NIBAN1: variants seen among roughly 807,000 people sequenced by gnomAD.
NIBAN1 encodes the protein niban apoptosis regulator 1.
NIBAN1 carries 81 observed loss-of-function variants against 75.1 expected under a neutral mutation model. That is an observed-to-expected ratio of 1.08 (90% CI 0.90 to 1.30). The LOEUF (loss-of-function observed/expected upper bound fraction) is 1.30. Ranked by LOEUF, NIBAN1 falls within the 50% of genes most tolerant of loss-of-function variation. The pLI is 0.00. For missense variants in NIBAN1, 1,133 were observed against 1,128.1 expected, an observed-to-expected ratio of 1.00 and a Z score of -0.06; for synonymous variants, 436 against 424.8, an observed-to-expected ratio of 1.03 and a Z score of -0.32.
chr1:184,834,821 G>A (rs914492486), intron 5 of NIBAN1, among the ~76,000 whole-genome samples: 1 of 152,052 alleles, frequency 6.6e-6, no homozygotes, highest in African/African-American at 2.4e-5. Context: ...TCACTCTGAT[G>A]GTAGTTTCTT....
Position 184,933,352 on chromosome 1 carries a change from G to A in NIBAN1, c.56-34043C>T, listed in dbSNP as rs575281254. 2.0e-3 allele frequency among the ~76,000 whole-genome samples: 304 copies of A among 152,360 alleles called. 2 individuals carry two copies. The highest frequency in any genetic ancestry group is 6.8e-3 in the African/African-American group (281 of 41,592). ...ATTCAGAAGGTCCCTGCCCTGAGGA[G>A]CCACCAGTCTGACCTATCTTAATTG... On this transcript the variant is annotated intron_variant, in intron 1 of 13. Transcript: ENST00000367511.
In NIBAN1 at chr1:184,820,078, A is replaced by T. The variant is rs868706335; in HGVS notation, c.986-1253T>A. On this transcript the variant is annotated intron_variant, in intron 8 of 13. Coordinates refer to ENST00000367511, the MANE Select transcript of NIBAN1 (RefSeq NM_052966.4). ...ACAAGTCATAGAATTATTAAGAAAA[A>T]ACCCTTTCAATTGTATGATCCAAAT... is the stretch of plus-strand genomic sequence containing the variant. Among the ~76,000 whole-genome samples, 11 of 152,336 alleles carry T rather than the reference A, an allele frequency of 7.2e-5. No homozygotes were observed. The Middle Eastern group carries it at 0.01, about 141-fold the overall frequency.
chr1:184,791,803 A>G lies in NIBAN1; in HGVS notation c.*3174T>C, dbSNP rs577041862. Reference sequence around the variant, plus strand: ...TCGCTCCAATCTGGAAACCACTCAAATGACACATACAAGTCTGTATGAAAA... The same window carrying G: ...TCGCTCCAATCTGGAAACCACTCAAGTGACACATACAAGTCTGTATGAAAA... On this transcript the variant is annotated 3_prime_UTR_variant, in exon 14 of 14. Transcript: ENST00000367511. 6.6e-6 allele frequency: 1 copy of G among 152,348 alleles called. No individual in the cohort carries two copies. The highest frequency in any genetic ancestry group is 2.1e-4 in the South Asian group (1 of 4,830). The allele number at this position is 152,348 out of a possible 1,614,324, so 9.4% of individuals were successfully genotyped here.
At chr1:184,932,702 T>G (rs1395267999) in intron 1 of NIBAN1, among the ~76,000 whole-genome samples, 4 of 152,220 alleles carry the variant, frequency 2.6e-5, no homozygotes, top group African/African-American at 9.7e-5. Context: ...TTTGTATATT[T>G]GACTTATTTG....
chr1:184,903,961 A>G (rs1290948150), intron 1 of NIBAN1, among the ~76,000 whole-genome samples: 1 of 151,310 alleles, frequency 6.6e-6, no homozygotes, highest in Non-Finnish European at 1.5e-5. Flanking sequence ...CAGTGGTGCC[A>G]TCTTGGCTCA....
intron 5 of NIBAN1, among the ~76,000 whole-genome samples, chr1:184,862,377 C>T (rs934704461): frequency 3.3e-5 from 5 of 151,874 alleles, no homozygotes; most frequent in South Asian, 2.1e-4. Flanking sequence ...TATTCACAGG[C>T]GCAATCATTG....
rs572876722 is a variant in NIBAN1, at chr1:184,852,960, A to G, written c.602-20998T>C. 8.5e-5 allele frequency among the ~76,000 whole-genome samples: 13 copies of G among 152,272 alleles called. No homozygotes were observed. In the East Asian group the frequency reaches 1.9e-3, roughly 23 times the overall value. On this transcript the variant is annotated intron_variant, in intron 5 of 13. Transcript: ENST00000367511. ...CTTCTACTCCCCTAAATAACAGTCCATTTCATGGTTATTTCCATTGGACTT... is the reference window on the plus strand; with the variant it reads ...CTTCTACTCCCCTAAATAACAGTCCGTTTCATGGTTATTTCCATTGGACTT...
chr1:184,795,163 C>T lies in NIBAN1; in HGVS notation c.2601G>A (p.Gly867=). The stretch of plus-strand genomic sequence containing the variant: ...CCGTGGCCTGGGCCGCGCTGCTTTG[C>T]CCTCCCATCTCTTCTTGTTCCTCAG... ...QVSEEQEEMG[G]QSSAAQATAS... is the part of the protein sequence containing the mutation. Residue 867 remains glycine (G), a synonymous_variant, in exon 14 of 14, where the codon GGG becomes GGA. Coordinates refer to ENST00000367511, the MANE Select transcript of NIBAN1 (RefSeq NM_052966.4). 2 of 1,614,196 alleles carry T rather than the reference C, an allele frequency of 1.2e-6. No individual in the cohort carries two copies. The highest frequency in any genetic ancestry group is 2.2e-5 in the South Asian group (2 of 91,092).
chr1:184,818,901 T>A, intron 8 of NIBAN1, 76 bp from the exon 9 acceptor site: 1 of 1,481,674 alleles, frequency 6.7e-7, no homozygotes, highest in Non-Finnish European at 9.1e-7. Context: ...AGACCAGAGC[T>A]GAATGGTGCC....
intron 5 of NIBAN1, among the ~76,000 whole-genome samples, chr1:184,851,636 A>T (rs1310187569): frequency 1.7e-4 from 1 of 5,860 alleles, no homozygotes; most frequent in Non-Finnish European, 4.4e-4. Context: ...AATAAAAAAA[A>T]AAAAAATTAA....
rs1228530025 is a variant in NIBAN1 at position 184,798,127 on chromosome 1, C to T, written c.1618G>A (p.Val540Ile). 2 of 1,612,202 alleles carry T rather than the reference C, an allele frequency of 1.2e-6. No individual in the cohort carries two copies. Among genetic ancestry groups the T allele is most frequent in the East Asian group, 4.5e-5 (2 of 44,844 alleles). ...ATCTGATGTAAAATCTCCTCATAGA[C>T]ATTTTCAACGTGAATCATATTGGTA... ...DHTNMIHVEN[V>I]YEEILHQILL... is the part of the protein sequence containing the mutation. The change falls in exon 13 of 14, where the codon GTC (valine) becomes ATC (isoleucine). Residue 540 changes from valine to isoleucine, a missense_variant. Transcript: ENST00000367511.
rs1658816020 is a variant in NIBAN1, at chr1:184,967,228, T to C, written c.55+7074A>G. Among the ~76,000 whole-genome samples, 3 of 152,172 alleles carry C rather than the reference T, an allele frequency of 2.0e-5. No homozygotes were observed. The South Asian group carries it at 6.2e-4, about 32-fold the overall frequency. On this transcript the variant is annotated intron_variant, in intron 1 of 13. Transcript: ENST00000367511. ...CCCTCTCTCTCTCTCTCTGTGTGTG[T>C]GTGTGTGTGTGTGTGTACATATGTG... is the stretch of plus-strand genomic sequence containing the variant.
intron 5 of NIBAN1, among the ~76,000 whole-genome samples, chr1:184,842,777 A>C (rs1326959917): frequency 3.3e-5 from 5 of 152,078 alleles, no homozygotes; most frequent in Admixed American, 1.3e-4. Flanking sequence ...AAAAAAAAAA[A>C]AAAAATCCAT....
chr1:184,814,580 G>A (rs542662570), intron 9 of NIBAN1, among the ~76,000 whole-genome samples: 1 of 152,226 alleles, frequency 6.6e-6, no homozygotes, highest in African/African-American at 2.4e-5. Context: ...TCAGAGTCAT[G>A]TTTCATCCTT....
intron 1 of NIBAN1, 81 bp downstream of exon 1, chr1:184,974,221 G>C: frequency 7.4e-7 from 1 of 1,353,678 alleles, no homozygotes; most frequent in Non-Finnish European, 9.5e-7. Context: ...CCCGGGGCGC[G>C]CCCCTTGGGG....
chr1:184,879,715 A>G (rs1431363751), intron 5 of NIBAN1, among the ~76,000 whole-genome samples: 1 of 152,220 alleles, frequency 6.6e-6, no homozygotes, highest in African/African-American at 2.4e-5. Flanking sequence ...TGCAAGTATC[A>G]AAATCAAATC....
intron 1 of NIBAN1, among the ~76,000 whole-genome samples, chr1:184,933,950 G>C (rs961137627): frequency 6.6e-6 from 1 of 152,218 alleles, no homozygotes; most frequent in African/African-American, 2.4e-5. Context: ...ATTGTGTGAA[G>C]CAGGAACATA....
chr1:184,899,666 ATCC>A (rs1381392228), intron 1 of NIBAN1, among the ~76,000 whole-genome samples: 2 of 151,572 alleles, frequency 1.3e-5, no homozygotes, highest in Admixed American at 6.6e-5. Flanking sequence ...CATCCTTCTA[ATCC>A]TCCTAAGACT....
rs1226949927 is a variant in NIBAN1 at position 184,818,840 on chromosome 1, A to G, written c.986-15T>C. 2 of 1,572,100 alleles carry G rather than the reference A, an allele frequency of 1.3e-6. No homozygotes were observed. Among genetic ancestry groups the G allele is most frequent in the South Asian group, 2.3e-5 (2 of 86,690 alleles). On this transcript the variant is annotated splice_polypyrimidine_tract_variant and intron_variant, in intron 8 of 13. Transcript: ENST00000367511. ...GGCCACCATCGCTGAGGTAGGAAATAGCCAAAAAACCGTGACATATGGCAA... is the reference window on the plus strand; with the variant it reads ...GGCCACCATCGCTGAGGTAGGAAATGGCCAAAAAACCGTGACATATGGCAA...
Sources: gnomAD v4.1 joint callset for allele counts (sites outside exome capture counted in the v4.1 genomes callset) on GRCh38, gnomAD v4.1.1 for gene constraint, MANE v1.5 for transcripts, NCBI Gene and HGNC (gene_info 2026-07-23, HGNC 2026-07-21) for gene names.